The following BLTP1 variants were observed in gnomAD, a reference collection of about 807,000 sequenced individuals.
The protein encoded by BLTP1 is fragile site-associated protein.
the BLTP1 span, among the ~76,000 whole-genome samples, chr4:122,257,001 T>C: frequency 6.6e-6 from 1 of 152,196 alleles, no homozygotes; most frequent in African/African-American, 2.4e-5. Flanking sequence ...TAGTATCATA[T>C]TGACCTGTGC....
chr4:122,251,453 G>A, the BLTP1 span: 1 of 922,146 alleles, frequency 1.1e-6, no homozygotes, highest in South Asian at 5.0e-5. Flanking sequence ...TAAAACATTT[G>A]TTTTTATTTA....
the BLTP1 span, chr4:122,249,507 T>A: frequency 6.2e-7 from 1 of 1,613,526 alleles, no homozygotes; most frequent in Admixed American, 1.7e-5. Flanking sequence ...GTGCAATCAC[T>A]GCTATTCCTT....
the BLTP1 span, chr4:122,207,547 T>TGGCA: frequency 6.3e-7 from 1 of 1,597,710 alleles, no homozygotes; most frequent in Non-Finnish European, 8.5e-7. Context: ...GTAGTGTATC[T>TGGCA]GGCAGCCTGT....
At chr4:122,301,520 T>G in the BLTP1 span, 2 of 505,568 alleles carry the variant, frequency 4.0e-6, no homozygotes, top group African/African-American at 2.0e-5. Context: ...TATAACTCCA[T>G]CTACTCAGAG....
the BLTP1 span, among the ~76,000 whole-genome samples, chr4:122,259,343 C>CT: frequency 1.3e-5 from 2 of 152,130 alleles, no homozygotes; most frequent in African/African-American, 4.8e-5. Flanking sequence ...ACTGAACAGG[C>CT]TTTAACTGTA....
the BLTP1 span, chr4:122,325,854 G>A: frequency 9.2e-7 from 1 of 1,089,484 alleles, no homozygotes; most frequent in Non-Finnish European, 1.2e-6. Context: ...TTTTAATTAA[G>A]TTGAAAAATA....
the BLTP1 span, chr4:122,271,861 A>T: frequency 1.4e-6 from 1 of 712,626 alleles, no homozygotes; most frequent in South Asian, 2.1e-5. Flanking sequence ...ATCACCAGGG[A>T]AATAAAACAG....
chr4:122,327,442 AT>A, the BLTP1 span, among the ~76,000 whole-genome samples: 15 of 151,460 alleles, frequency 9.9e-5, no homozygotes, highest in African/African-American at 3.4e-4. Flanking sequence ...TATTATTTTT[AT>A]TTTTCCCCCA....
the BLTP1 span, chr4:122,162,750 G>A: frequency 2.5e-4 from 165 of 658,276 alleles, 1 homozygote; most frequent in Non-Finnish European, 2.9e-4. Flanking sequence ...AAAAAACTGG[G>A]AGTAATAAGA....
At chr4:122,202,414 T>A in the BLTP1 span, 1 of 159,820 alleles carries the variant, frequency 6.3e-6, no homozygotes, top group Non-Finnish European at 1.3e-5. Context: ...ATATTATTAT[T>A]ATTTTCCTTA....
chr4:122,268,454 A>G, the BLTP1 span, among the ~76,000 whole-genome samples: 4 of 151,988 alleles, frequency 2.6e-5, no homozygotes, highest in African/African-American at 9.7e-5. Context: ...CTTTACTATG[A>G]AGTTTTTTGT....
the BLTP1 span, among the ~76,000 whole-genome samples, chr4:122,233,057 A>G: frequency 1.5e-4 from 23 of 152,358 alleles, no homozygotes; most frequent in East Asian, 4.2e-3. Context: ...CCAAACTACC[A>G]GCATCAACAT....
chr4:122,292,670 G>A, the BLTP1 span: 2 of 779,788 alleles, frequency 2.6e-6, no homozygotes, highest in South Asian at 5.9e-5. Context: ...TAATTAAAAA[G>A]CATGAATATT....
chr4:122,250,846 A>G, the BLTP1 span: 1 of 758,546 alleles, frequency 1.3e-6, no homozygotes, highest in African/African-American at 1.9e-5. Flanking sequence ...TGTTGAATTA[A>G]TAAATTAACA....
chr4:122,182,109 A>T, the BLTP1 span, among the ~76,000 whole-genome samples: 1 of 152,174 alleles, frequency 6.6e-6, no homozygotes, highest in Non-Finnish European at 1.5e-5. Context: ...AATATCCAAA[A>T]ATTATAATAT....
chr4:122,192,447 A>G, the BLTP1 span: 2 of 1,034,920 alleles, frequency 1.9e-6, no homozygotes, highest in African/African-American at 3.2e-5. Flanking sequence ...TTTTAAATAA[A>G]AGCTAGCTTA....
At chr4:122,246,351 G>C in the BLTP1 span, 2 of 1,406,806 alleles carry the variant, frequency 1.4e-6, no homozygotes, top group Admixed American at 4.4e-5. Flanking sequence ...GCATTTTGAT[G>C]GTGTTTGTCC....
the BLTP1 span, chr4:122,315,600 T>C: frequency 2.2e-5 from 36 of 1,614,048 alleles, 1 homozygote; most frequent in South Asian, 3.6e-4. Context: ...GAGGAAGACA[T>C]AGATGACATT....
chr4:122,359,722 G>C, the BLTP1 span: 2 of 1,605,926 alleles, frequency 1.2e-6, no homozygotes, highest in Non-Finnish European at 1.7e-6. Flanking sequence ...CCTACTCTTA[G>C]GTAAGTAATG....
Sources: allele counts gnomAD v4.1 joint callset (sites outside exome capture counted in the v4.1 genomes callset), GRCh38; gene constraint gnomAD v4.1.1; transcripts MANE v1.5; gene names NCBI Gene and HGNC (gene_info 2026-07-23, HGNC 2026-07-21).